Variants in PAPLN observed in about 807,000 individuals in gnomAD.
The protein encoded by PAPLN is papilin, proteoglycan like sulfated glycoprotein, also known as papilin.
PAPLN carries 146 observed loss-of-function variants against 159.0 expected under a neutral mutation model. That is an observed-to-expected ratio of 0.92 (90% CI 0.80 to 1.05). The LOEUF is 1.05. PAPLN is among the 50% of genes least tolerant of loss of function. The pLI is 0.00. For synonymous variants in PAPLN, 734 were observed against 702.9 expected, an observed-to-expected ratio of 1.04 and a Z score of -0.70; for missense variants, 1,720 against 1,743.9, an observed-to-expected ratio of 0.99 and a Z score of 0.24.
chr14:73,256,403 G>A (rs1396359803), intron 14 of PAPLN, among the ~76,000 whole-genome samples: 1 of 151,812 alleles, frequency 6.6e-6, no homozygotes, highest in Non-Finnish European at 1.5e-5. Context: ...GTTGTGGCAG[G>A]TGCCTGTAAT....
At chr14:73,272,401 C>G (rs1887820480) in intron 26 of PAPLN, 94 bp from the exon 27 acceptor site, 1 of 1,232,676 alleles carries the variant, frequency 8.1e-7, no homozygotes, top group East Asian at 2.4e-5. Flanking sequence ...AGTTATAATG[C>G]TGTGTTCCTT....
chr14:73,260,680 C>A (rs1184734819), intron 16 of PAPLN, 29 bp from the exon 17 acceptor site: 8 of 1,423,018 alleles, frequency 5.6e-6, no homozygotes, highest in Non-Finnish European at 7.4e-6. Flanking sequence ...GCAGGCTGGG[C>A]AGTGAGGGGC....
chr14:73,247,797 C>CGT (rs869273897), intron 5 of PAPLN, among the ~76,000 whole-genome samples: 868 of 32,404 alleles, frequency 0.027, 18 homozygotes, highest in Non-Finnish European at 0.037. Context: ...TCTCTTATCC[C>CGT]GTGTGTGTGT....
Position 73,246,171 on chromosome 14 carries a change from C to T in PAPLN, c.330C>T (p.Tyr110=). 1 of 1,579,066 alleles carries T rather than the reference C, an allele frequency of 6.3e-7. No homozygotes were observed. Residue 110 remains tyrosine, a synonymous_variant, in exon 5 of 27, where the codon TAC becomes TAT. Transcript: ENST00000644200. ...GGCGGTATCGGTGGCTGCCCTACTA[C>T]AGCGGTGAGCGCGGCCGGGACTCGC... is the stretch of plus-strand genomic sequence containing the variant. The part of the protein sequence containing the change: ...QGRRYRWLPY[Y]SAPNKCELNC...
At chr14:73,257,666 G>A (rs780175652) in intron 14 of PAPLN, among the ~76,000 whole-genome samples, 12 of 151,034 alleles carry the variant, frequency 7.9e-5, no homozygotes, top group Non-Finnish European at 1.5e-4. Flanking sequence ...TGAAAGAAAT[G>A]CATAGTGAGC....
chr14:73,262,290 G>T, intron 18 of PAPLN, 60 bp from the exon 19 acceptor site: 2 of 1,479,368 alleles, frequency 1.4e-6, no homozygotes, highest in South Asian at 2.5e-5. Flanking sequence ...CTGAGAGGAT[G>T]GAGGGTGCAG....
chr14:73,239,195 C>G (rs998018885), intron 1 of PAPLN, among the ~76,000 whole-genome samples: 1 of 152,010 alleles, frequency 6.6e-6, no homozygotes, highest in African/African-American at 2.4e-5. Flanking sequence ...CACGCTGCAC[C>G]ACGCACACTG....
chr14:73,251,828 G>A lies in PAPLN; in HGVS notation c.835G>A (p.Val279Ile), dbSNP rs201393779. ...CCGGGGCCCCACCTCGGAGCCCCTG[G>A]TCATCGAGGTAAATGGGGGTGTGGG... Reference protein sequence around the residue: ...HARGPTSEPLVIELISQEPNP... With the variant: ...HARGPTSEPLIIELISQEPNP... The change falls in exon 9 of 27, where the codon GTC becomes ATC. Residue 279 changes from valine to isoleucine, a missense_variant. Val to Ile is a conservative substitution (Grantham distance 29, BLOSUM62 3). Coordinates refer to ENST00000644200, the MANE Select transcript of PAPLN (RefSeq NM_001365906.3). 9 of 1,594,700 alleles carry A rather than the reference G, an allele frequency of 5.6e-6. No individual in the cohort carries two copies. In the East Asian group the frequency reaches 2.0e-4, roughly 36 times the overall value.
chr14:73,261,255 G>T lies in PAPLN; in HGVS notation c.2206G>T (p.Gly736Cys), dbSNP rs145250622. Residue 736 changes from glycine to cysteine, a missense_variant, in exon 18 of 27, where the codon GGT becomes TGT. Coordinates refer to ENST00000644200, the MANE Select transcript of PAPLN (RefSeq NM_001365906.3). ...CTATGACAACGTGGCCACTGCAGCCGGTCCTCTTGGGGAAGGCTGTGTGGG... is the reference window on the plus strand; with the variant it reads ...CTATGACAACGTGGCCACTGCAGCCTGTCCTCTTGGGGAAGGCTGTGTGGG... ...CCYDNVATAA[G>C]PLGEGCVGQP... The T allele has an allele frequency of 6.2e-7, 1 of 1,613,822 alleles. No homozygotes were observed. Among genetic ancestry groups the T allele is most frequent in the Non-Finnish European group, 8.5e-7 (1 of 1,180,010 alleles).
intron 1 of PAPLN, 32 bp downstream of exon 1, chr14:73,237,624 G>T (rs1169148080): frequency 5.9e-5 from 9 of 152,334 alleles, no homozygotes; most frequent in Admixed American, 5.2e-4. Context: ...AAGCCCCCGG[G>T]CGCCCAGCGG....
chr14:73,244,446 G>T (rs1213212612), intron 2 of PAPLN, 198 bp from the exon 3 acceptor site: 1 of 542,716 alleles, frequency 1.8e-6, no homozygotes, highest in Non-Finnish European at 3.3e-6. Flanking sequence ...CTCCTTATGA[G>T]GAAAGCAGGC....
chr14:73,259,182 G>T, intron 15 of PAPLN, 87 bp from the exon 16 acceptor site: 1 of 1,525,666 alleles, frequency 6.6e-7, no homozygotes, highest in Admixed American at 2.0e-5. Context: ...TGGTCCAGGG[G>T]ACGGAGGAAG....
At chr14:73,266,104 C>T (rs1023166105) in intron 23 of PAPLN, among the ~76,000 whole-genome samples, 5 of 152,078 alleles carry the variant, frequency 3.3e-5, no homozygotes, top group African/African-American at 7.3e-5. Flanking sequence ...TATAGGAGGC[C>T]GAGACGGGGG....
intron 5 of PAPLN, among the ~76,000 whole-genome samples, chr14:73,248,106 T>TGC (rs1555361147): frequency 0.013 from 1,003 of 78,508 alleles, 87 homozygotes; most frequent in Middle Eastern, 0.036. Context: ...TGTGTGTGTG[T>TGC]GCGCGTGTGT....
In PAPLN at chr14:73,253,135, G is replaced by A. The variant is rs557627055; in HGVS notation, c.1094+360G>A. On this transcript the variant is annotated intron_variant, in intron 11 of 26. Transcript: ENST00000644200. ...TCAGGCCAAAGGGCCTGTTGGCATC[G>A]GCCATGGCTTTGTTCGTGCACAAAG... is the stretch of plus-strand genomic sequence containing the variant. 3.1e-4 allele frequency: 437 copies of A among 1,387,442 alleles called. 5 individuals carry two copies. The South Asian group carries it at 4.7e-3, about 15-fold the overall frequency. The allele number at this position is 1,387,442 out of a possible 1,614,324, so 85.9% of individuals were successfully genotyped here. A position where few individuals can be genotyped will look rare whatever the true frequency, so the allele number is the denominator to read the frequency against.
At chr14:73,266,451 A>T (rs756325766) in intron 23 of PAPLN, 50 bp from the exon 24 acceptor site, 1 of 1,602,852 alleles carries the variant, frequency 6.2e-7, no homozygotes, top group Admixed American at 1.7e-5. Context: ...GAGCTGGAGG[A>T]GAGGGGAGGC....
chr14:73,260,690 C>T lies in PAPLN; in HGVS notation c.1986-19C>T. 6.9e-7 allele frequency: 1 copy of T among 1,444,948 alleles called. No individual in the cohort carries two copies. The highest frequency in any genetic ancestry group is 9.1e-7 in the Non-Finnish European group (1 of 1,100,542). 89.5% of individuals were successfully genotyped at this position (1,444,948 alleles called of 1,614,324 possible). ...TGGGGGCAGGCTGGGCAGTGAGGGG[C>T]TGTGTGATGTCTGCCTAGGTACGGG... On this transcript the variant is annotated intron_variant, in intron 16 of 26. Transcript: ENST00000644200.
intron 16 of PAPLN, 148 bp downstream of exon 16, chr14:73,259,693 C>T (rs1044220595): frequency 8.9e-7 from 1 of 1,121,556 alleles, no homozygotes. Context: ...CCCTGGGCTG[C>T]CCTGAGCATG....
At chr14:73,256,125 C>T (rs1347052130) in intron 14 of PAPLN, among the ~76,000 whole-genome samples, 2 of 152,200 alleles carry the variant, frequency 1.3e-5, no homozygotes, top group Non-Finnish European at 2.9e-5. Context: ...GAGCCTTGGA[C>T]TCCCAGGGGT....
Sources: allele counts gnomAD v4.1 joint callset (sites outside exome capture counted in the v4.1 genomes callset), GRCh38; gene constraint gnomAD v4.1.1; transcripts MANE v1.5; gene names NCBI Gene and HGNC (gene_info 2026-07-23, HGNC 2026-07-21).